APBA1: variants seen among roughly 807,000 people sequenced by gnomAD.
APBA1 encodes the protein amyloid-beta A4 precursor protein-binding family A member 1.
In APBA1, 55 loss-of-function variants were observed where a neutral mutation model predicts 86.6. The observed-to-expected ratio is 0.64, with a 90% CI of 0.51 to 0.80. The LOEUF (loss-of-function observed/expected upper bound fraction) is 0.80, where lower values mean the gene tolerates loss of function less well. APBA1 is among the 30% of genes least tolerant of loss of function. The pLI is 0.00. For synonymous variants in APBA1, 511 were observed against 493.9 expected, an observed-to-expected ratio of 1.03 and a Z score of -0.46; for missense variants, 1,090 against 1,183.0, an observed-to-expected ratio of 0.92 and a Z score of 1.15.
At chr9:69,441,734 G>C (rs1323577247) in intron 10 of APBA1, among the ~76,000 whole-genome samples, 1 of 152,226 alleles carries the variant, frequency 6.6e-6, no homozygotes, top group Non-Finnish European at 1.5e-5. Flanking sequence ...GGGGAGGGTT[G>C]TAGGATGGGT....
In APBA1 at chr9:69,517,188, G is replaced by A. The variant is rs774241094; in HGVS notation, c.23C>T (p.Ala8Val). Reference sequence around the variant, plus strand: ...CGCCTCGTCGGTCACCTCCACCTCCGCAGACCCCTCCAAGTGGTTCATGGT... The same window carrying A: ...CGCCTCGTCGGTCACCTCCACCTCCACAGACCCCTCCAAGTGGTTCATGGT... MNHLEGSAEVEVTDEAAG... is the reference protein window; with the variant it reads MNHLEGSVEVEVTDEAAG... The change falls in exon 2 of 13, where the codon GCG becomes GTG. Residue 8 changes from alanine to valine, a missense_variant. Coordinates refer to ENST00000265381, the MANE Select transcript of APBA1 (RefSeq NM_001163.4). The A allele has an allele frequency of 6.5e-7, 1 of 1,534,244 alleles. No individual in the cohort carries two copies. Among genetic ancestry groups the A allele is most frequent in the Admixed American group, 2.0e-5 (1 of 50,842 alleles).
intron 1 of APBA1, among the ~76,000 whole-genome samples, chr9:69,631,833 A>C (rs1488238337): frequency 3.3e-5 from 5 of 152,194 alleles, no homozygotes; most frequent in African/African-American, 1.2e-4. Flanking sequence ...GCATGTTCTC[A>C]CTCATAGATG....
chr9:69,581,145 T>G (rs1821906862), intron 1 of APBA1, among the ~76,000 whole-genome samples: 2 of 152,110 alleles, frequency 1.3e-5, no homozygotes, highest in African/African-American at 4.8e-5. Flanking sequence ...CTGACCTAAA[T>G]CAAATTCAGG....
intron 1 of APBA1, among the ~76,000 whole-genome samples, chr9:69,631,905 G>A (rs1399284264): frequency 3.9e-5 from 6 of 152,214 alleles, no homozygotes; most frequent in South Asian, 2.1e-4. Flanking sequence ...GGGACCTGTC[G>A]TGGGGTTGGG....
At chr9:69,571,038 C>T (rs1837107395) in intron 1 of APBA1, among the ~76,000 whole-genome samples, 2 of 152,282 alleles carry the variant, frequency 1.3e-5, no homozygotes, top group Admixed American at 1.3e-4. Context: ...CTAATCCCAG[C>T]TCTCCTTTCC....
At chr9:69,648,986 C>A (rs938206765) in intron 1 of APBA1, among the ~76,000 whole-genome samples, 3 of 152,160 alleles carry the variant, frequency 2.0e-5, no homozygotes, top group Non-Finnish European at 4.4e-5. Flanking sequence ...CCTCCAGAAG[C>A]ACAAAACAGA....
At chr9:69,471,563 C>T in intron 4 of APBA1, 93 bp downstream of exon 4, 1 of 1,047,652 alleles carries the variant, frequency 9.5e-7, no homozygotes, top group Non-Finnish European at 1.5e-6. Flanking sequence ...CCTTTCTTCC[C>T]TTCCATTGTC....
intron 1 of APBA1, among the ~76,000 whole-genome samples, chr9:69,574,627 G>T (rs532636652): frequency 1.3e-5 from 2 of 152,048 alleles, no homozygotes; most frequent in African/African-American, 4.8e-5. Flanking sequence ...TTGGTGTGCT[G>T]GTTTTGCTCT....
chr9:69,489,942 A>G (rs1441168425), intron 2 of APBA1, among the ~76,000 whole-genome samples: 1 of 152,146 alleles, frequency 6.6e-6, no homozygotes, highest in Admixed American at 6.5e-5. Context: ...CTAGAACTAG[A>G]AATACCATTT....
intron 1 of APBA1, among the ~76,000 whole-genome samples, chr9:69,542,874 C>A (rs4744911): frequency 0.09 from 13,722 of 152,176 alleles, 810 homozygotes; most frequent in East Asian, 0.29. Flanking sequence ...TGAACCAAAT[C>A]AAAATGAATC....
intron 2 of APBA1, among the ~76,000 whole-genome samples, chr9:69,489,489 A>T (rs1835667313): frequency 6.6e-6 from 1 of 152,170 alleles, no homozygotes; most frequent in East Asian, 1.9e-4. Context: ...AGATGGATTA[A>T]AGACTTAAAT....
rs73647221 is a variant in APBA1, at chr9:69,452,394, G to A, written c.1789-93C>T. The A allele has an allele frequency of 0.011, 14,182 of 1,267,552 alleles. 1,169 individuals are homozygous for A. The African/African-American group carries it at 0.18, about 16-fold the overall frequency. The allele number at this position is 1,267,552 out of a possible 1,614,324, so 78.5% of individuals were successfully genotyped here. A position where few individuals can be genotyped will look rare whatever the true frequency, so the allele number is the denominator to read the frequency against. On this transcript the variant is annotated intron_variant, in intron 8 of 12. Coordinates refer to ENST00000265381, the MANE Select transcript of APBA1 (RefSeq NM_001163.4). The stretch of plus-strand genomic sequence containing the variant: ...TTCCCACCTGAACAATGGCCCTCCT[G>A]GAGTCTGAGGAAACCCTAGACATCA...
intron 11 of APBA1, among the ~76,000 whole-genome samples, chr9:69,440,056 C>T (rs1231611594): frequency 5.3e-5 from 8 of 152,274 alleles, no homozygotes; most frequent in Admixed American, 2.6e-4. Context: ...CACTCCAGAC[C>T]CTGTTTGCCT....
chr9:69,658,269 T>TC (rs879561069), intron 1 of APBA1, among the ~76,000 whole-genome samples: 1,252 of 75,734 alleles, frequency 0.017, 44 homozygotes, highest in Admixed American at 0.024. Flanking sequence ...TCTTTCTTTC[T>TC]TTCTTTCTTT....
intron 1 of APBA1, among the ~76,000 whole-genome samples, chr9:69,615,149 G>A (rs1042068539): frequency 3.9e-5 from 6 of 152,194 alleles, no homozygotes; most frequent in Non-Finnish European, 8.8e-5. Flanking sequence ...GCAGTGAGCC[G>A]AGATCACGCC....
chr9:69,498,471 T>C (rs932324589), intron 2 of APBA1, among the ~76,000 whole-genome samples: 3 of 152,106 alleles, frequency 2.0e-5, no homozygotes, highest in Non-Finnish European at 4.4e-5. Context: ...GGAAATTTGT[T>C]ACACAGCAAT....
chr9:69,451,808 C>A (rs932045747), intron 9 of APBA1, among the ~76,000 whole-genome samples: 1 of 152,126 alleles, frequency 6.6e-6, no homozygotes, highest in Admixed American at 6.5e-5. Context: ...TTTTTCAGTG[C>A]CCTTACCTAG....
At chr9:69,562,375 CT>C (rs1252375578) in intron 1 of APBA1, among the ~76,000 whole-genome samples, 1 of 149,100 alleles carries the variant, frequency 6.7e-6, no homozygotes, top group Non-Finnish European at 1.5e-5. Flanking sequence ...TCTTTCTTTT[CT>C]TTTCTTTTTT....
chr9:69,549,804 C>T (rs1234706319), intron 1 of APBA1, among the ~76,000 whole-genome samples: 1 of 152,146 alleles, frequency 6.6e-6, no homozygotes, highest in Non-Finnish European at 1.5e-5. Context: ...GGAAAGAAGG[C>T]TTACATTGGG....
Sources: allele counts gnomAD v4.1 joint callset (sites outside exome capture counted in the v4.1 genomes callset), GRCh38; gene constraint gnomAD v4.1.1; transcripts MANE v1.5; gene names NCBI Gene and HGNC (gene_info 2026-07-23, HGNC 2026-07-21).